ITIH2: variants seen among roughly 807,000 people sequenced by gnomAD.
ITIH2 encodes inter-alpha-trypsin inhibitor heavy chain H2.
A neutral mutation model predicts 104.4 loss-of-function variants in ITIH2; 103 were observed. That is an observed-to-expected ratio of 0.99 (90% confidence interval 0.84 to 1.16). The LOEUF (loss-of-function observed/expected upper bound fraction) is 1.16, where lower values mean the gene tolerates loss of function less well. Among genes scored for constraint, ITIH2 ranks in the 50% most tolerant of loss-of-function variants. The pLI is 0.00. For synonymous variants in ITIH2, 436 were observed against 435.4 expected, an observed-to-expected ratio of 1.00 and a Z score of -0.02; for missense variants, 1,108 against 1,162.4, an observed-to-expected ratio of 0.95 and a Z score of 0.68.
intron 1 of ITIH2, 70 bp downstream of exon 1, chr10:7,703,588 C>T (rs968691029): frequency 2.3e-5 from 21 of 928,924 alleles, no homozygotes; most frequent in Admixed American, 8.6e-5. Context: ...ATTGGAATCG[C>T]TATTCAATGG....
At chr10:7,731,580 C>T (rs1262073003) in intron 12 of ITIH2, among the ~76,000 whole-genome samples, 1 of 152,002 alleles carries the variant, frequency 6.6e-6, no homozygotes, top group Non-Finnish European at 1.5e-5. Context: ...CAAAAATTAG[C>T]CGGGCTTGGT....
chr10:7,716,603 G>A (rs1834851607), intron 5 of ITIH2, among the ~76,000 whole-genome samples: 1 of 151,846 alleles, frequency 6.6e-6, no homozygotes, highest in South Asian at 2.1e-4. Context: ...GGGCATGGTG[G>A]CGCATGCCTG....
chr10:7,707,625 G>A (rs1039249067), intron 3 of ITIH2, among the ~76,000 whole-genome samples: 7 of 152,068 alleles, frequency 4.6e-5, no homozygotes, highest in African/African-American at 1.7e-4. Flanking sequence ...GAGTGCAATG[G>A]CATGATCTCA....
In ITIH2 at chr10:7,744,920, A is replaced by G. The variant is rs928026059; in HGVS notation, c.2538A>G (p.Ile846Met). ...ATGTTGACTTTCTGGGAATCTACAT[A>G]CCCCCTACAAACAAGTTCTCACCTA... ...PVNVDFLGIY[I>M]PPTNKFSPKA... The change falls in exon 19 of 21, where the codon ATA (isoleucine) becomes ATG (methionine). Residue 846 changes from isoleucine (I) to methionine (M), a missense_variant. Ile to Met is a conservative substitution (Grantham distance 10, BLOSUM62 1). Transcript: ENST00000358415. The G allele has an allele frequency of 6.2e-7, 1 of 1,613,962 alleles. No homozygotes were observed. The highest frequency in any genetic ancestry group is 1.7e-5 in the Admixed American group (1 of 59,994).
intron 15 of ITIH2, among the ~76,000 whole-genome samples, 175 bp from the exon 16 acceptor site, chr10:7,738,446 C>A (rs1223627931): frequency 2.7e-5 from 4 of 150,438 alleles, no homozygotes; most frequent in South Asian, 2.1e-4. Flanking sequence ...GTATCACAGG[C>A]CTCCTCCCTC....
At chr10:7,718,107 C>A (rs1834867995) in intron 6 of ITIH2, among the ~76,000 whole-genome samples, 1 of 152,188 alleles carries the variant, frequency 6.6e-6, no homozygotes, top group Admixed American at 6.5e-5. Flanking sequence ...GCTGCACTCT[C>A]TCTCTCTGGA....
At chr10:7,724,333 G>A (rs749931790) in intron 9 of ITIH2, among the ~76,000 whole-genome samples, 1 of 152,220 alleles carries the variant, frequency 6.6e-6, no homozygotes, top group Non-Finnish European at 1.5e-5. Context: ...TACTTTGGGA[G>A]GCCAAGGCAG....
intron 5 of ITIH2, among the ~76,000 whole-genome samples, chr10:7,713,870 T>C (rs1395885979): frequency 6.6e-6 from 1 of 151,804 alleles, no homozygotes; most frequent in African/African-American, 2.4e-5. Flanking sequence ...GCCTGACGAA[T>C]TTTTTTAGTT....
intron 11 of ITIH2, among the ~76,000 whole-genome samples, chr10:7,729,113 A>G (rs1834977010): frequency 6.6e-6 from 1 of 152,204 alleles, no homozygotes; most frequent in Admixed American, 6.5e-5. Context: ...CAGGAATTCA[A>G]GACCAGCCTG....
At chr10:7,742,313 T>A (rs1588461663) in intron 16 of ITIH2, among the ~76,000 whole-genome samples, 1 of 152,068 alleles carries the variant, frequency 6.6e-6, no homozygotes, top group Non-Finnish European at 1.5e-5. Context: ...ATAATTAGGT[T>A]CAATAACAAA....
At chr10:7,733,955 C>T (rs1835027469) in intron 14 of ITIH2, among the ~76,000 whole-genome samples, 1 of 151,684 alleles carries the variant, frequency 6.6e-6, no homozygotes, top group South Asian at 2.1e-4. Flanking sequence ...GACAGAAGCA[C>T]ACTAGATGTA....
intron 15 of ITIH2, among the ~76,000 whole-genome samples, chr10:7,738,223 T>TATTATATATTATATTCTATAA (rs1564306079): frequency 0.017 from 589 of 34,780 alleles, 5 homozygotes; most frequent in East Asian, 0.03. Flanking sequence ...ATATTCTATA[T>TATTATATATTATATTCTATAA]AATATTATAT....
chr10:7,717,612 G>A lies in ITIH2; in HGVS notation c.468-14G>A, dbSNP rs1348951611. ...ATGTATCTGTTGACTTTTGTTGGGG[G>A]CTTTCACCTTTAGGAGCAGCGCTCT... On this transcript the variant is annotated splice_polypyrimidine_tract_variant and intron_variant, in intron 5 of 20. Transcript: ENST00000358415. 2 of 1,608,568 alleles carry A rather than the reference G, an allele frequency of 1.2e-6. No individual in the cohort carries two copies. The highest frequency in any genetic ancestry group is 1.7e-6 in the Non-Finnish European group (2 of 1,175,544).
chr10:7,732,287 A>C, intron 13 of ITIH2, 51 bp from the exon 14 acceptor site: 2 of 1,567,814 alleles, frequency 1.3e-6, no homozygotes, highest in East Asian at 2.3e-5. Flanking sequence ...TGAATCAATG[A>C]ACTATAATTC....
rs186576334 is a variant in ITIH2 at position 7,728,423 on chromosome 10, C to T, written c.1279+595C>T. 2.0e-5 allele frequency among the ~76,000 whole-genome samples: 3 copies of T among 152,184 alleles called. No homozygotes were observed. In the East Asian group the frequency reaches 5.8e-4, roughly 29 times the overall value. ...TGAAGACAGGGTCTTGCTCTGTCAC[C>T]CAGGAGGGAGTGCAGTGGAGCACAC... On this transcript the variant is annotated intron_variant, in intron 11 of 20. Transcript: ENST00000358415.
chr10:7,708,850 G>A (rs1366166430), intron 3 of ITIH2, among the ~76,000 whole-genome samples, 172 bp from the exon 4 acceptor site: 1 of 152,154 alleles, frequency 6.6e-6, no homozygotes, highest in Non-Finnish European at 1.5e-5. Flanking sequence ...CGGGTTCCAA[G>A]AAGTTAGGAG....
chr10:7,711,806 A>C (rs1439638743), intron 4 of ITIH2, among the ~76,000 whole-genome samples: 1 of 152,288 alleles, frequency 6.6e-6, no homozygotes, highest in South Asian at 2.1e-4. Context: ...AGCACTTCCA[A>C]GTCATCTCAA....
chr10:7,727,766 G>A lies in ITIH2; in HGVS notation c.1217G>A (p.Gly406Glu). 1 of 1,614,136 alleles carries A rather than the reference G, an allele frequency of 6.2e-7. No homozygotes were observed. Among genetic ancestry groups the A allele is most frequent in the South Asian group, 1.1e-5 (1 of 91,078 alleles). Residue 406 changes from glycine (G) to glutamate (E), a missense_variant, in exon 11 of 21, where the codon GGA (glycine) becomes GAA (glutamate). Physicochemically the swap from Gly to Glu is moderately conservative, Grantham distance 98. Transcript: ENST00000358415. The stretch of plus-strand genomic sequence containing the variant: ...ATTTTGAATGAAGCCAATAACTTGG[G>A]ACTGTTAGACCCCAACTCCGTCTCG... ...IFILNEANNL[G>E]LLDPNSVSLI...
Position 7,738,714 on chromosome 10 carries a change from G to A in ITIH2, c.2051G>A (p.Gly684Glu). 1 of 1,613,612 alleles carries A rather than the reference G, an allele frequency of 6.2e-7. No individual in the cohort carries two copies. The highest frequency in any genetic ancestry group is 8.5e-7 in the Non-Finnish European group (1 of 1,179,782). ...CCCGTGATCTCCATGCTGGCACAAG[G>A]ATCTCAGGTGCTAGAGTCCACGCCA... is the stretch of plus-strand genomic sequence containing the variant. ...PTPVISMLAQ[G>E]SQVLESTPPP... The change falls in exon 16 of 21, where the codon GGA (glycine) becomes GAA (glutamate). Residue 684 changes from glycine (G) to glutamate (E), a missense_variant. Transcript: ENST00000358415.
Sources: gnomAD v4.1 joint callset for allele counts (sites outside exome capture counted in the v4.1 genomes callset) on GRCh38, gnomAD v4.1.1 for gene constraint, MANE v1.5 for transcripts, NCBI Gene and HGNC (gene_info 2026-07-23, HGNC 2026-07-21) for gene names.